PABPN1: variants seen among roughly 807,000 people sequenced by gnomAD.
PABPN1 encodes poly(A) binding protein nuclear 1, also known as polyadenylate-binding protein 2.
In PABPN1, 5 loss-of-function variants were observed where a neutral mutation model predicts 33.4. The ratio of observed to expected loss-of-function variants is 0.15; its 90% CI spans 0.08 to 0.32. The LOEUF (loss-of-function observed/expected upper bound fraction) is 0.32. Ranked by LOEUF, PABPN1 falls within the 10% of genes least tolerant of loss-of-function variation. PABPN1 has a pLI of 1.00. For synonymous variants in PABPN1, 176 were observed against 170.6 expected (o/e 1.03, Z -0.25); for missense variants, 312 against 425.8 (o/e 0.73, Z 2.35).
intron 4 of PABPN1, 92 bp from the exon 5 acceptor site, chr14:23,323,873 C>A: frequency 8.0e-7 from 1 of 1,242,706 alleles, no homozygotes; most frequent in Non-Finnish European, 1.2e-6. Context: ...AATATAACTG[C>A]ATTGTAGCCC....
At position 23,325,261 on chromosome 14, in the gene PABPN1, C is replaced by T. The variant is rs746186777; in HGVS notation, c.896C>T (p.Ala299Val). 6.9e-6 allele frequency: 11 copies of T among 1,605,674 alleles called. No homozygotes were observed. Among genetic ancestry groups the T allele is most frequent in the Non-Finnish European group, 6.8e-6 (8 of 1,179,026 alleles). Residue 299 changes from alanine (A) to valine (V), a missense_variant, in exon 7 of 7, where the codon GCG becomes GTG. This residue lies in a region of PABPN1 where 68 missense variants were observed against 71.1 expected (regional missense o/e 0.96). Transcript: ENST00000216727. ...CTTTCTTCCAGGGGCCGGGCTAGAGCGACATCATGGTATTCCCCTTACTAA... is the reference window on the plus strand; with the variant it reads ...CTTTCTTCCAGGGGCCGGGCTAGAGTGACATCATGGTATTCCCCTTACTAA... ...RGRVYRGRAR[A>V]TSWYSPY
intron 1 of PABPN1, 31 bp downstream of exon 1, chr14:23,321,851 G>A: frequency 7.0e-7 from 1 of 1,435,282 alleles, no homozygotes; most frequent in South Asian, 1.5e-5. Flanking sequence ...GAGCAGGCCG[G>A]CGGCTGGCCG....
Position 23,324,522 on chromosome 14 carries a change from A to T in PABPN1, c.881+233A>T. The T allele has an allele frequency of 1.3e-5, 8 of 609,608 alleles. No homozygotes were observed. The South Asian group carries it at 1.6e-4, about 12-fold the overall frequency. 37.8% of individuals were successfully genotyped at this position (609,608 alleles called of 1,614,324 possible). A position where few individuals can be genotyped will look rare whatever the true frequency, so the allele number is the denominator to read the frequency against. On this transcript the variant is annotated intron_variant, in intron 6 of 6. Coordinates refer to ENST00000216727, the MANE Select transcript of PABPN1 (RefSeq NM_004643.4). ...AAGGGCTGCATCCCTCCCTTGGTTC[A>T]AAGAGGCTTCCACCCCCAGCCTTTT... is the stretch of plus-strand genomic sequence containing the variant.
rs193922941 is a variant in PABPN1 at position 23,321,471 on chromosome 14, T to TGGCGGC, written c.18_23dup (p.Ala10_Ala11dup). The TGGCGGC allele has an allele frequency of 3.2e-5, 37 of 1,155,620 alleles. No individual in the cohort carries two copies. The highest frequency in any genetic ancestry group is 4.2e-5 in the South Asian group (1 of 23,736). 71.6% of individuals were successfully genotyped at this position (1,155,620 alleles called of 1,614,324 possible). A position where few individuals can be genotyped will look rare whatever the true frequency, so the allele number is the denominator to read the frequency against. On this transcript the variant is annotated inframe_insertion, in exon 1 of 7. Coordinates refer to ENST00000216727, the MANE Select transcript of PABPN1 (RefSeq NM_004643.4). ...CGGCGGGCCCCAGTCTGAGCGGCGA[T>TGGCGGC]GGCGGCGGCGGCGGCGGCGGCAGCA...
chr14:23,321,772 G>C lies in PABPN1; in HGVS notation c.303G>C (p.Glu101Asp), dbSNP rs762104467. The part of the protein sequence containing the change: ...GAPGSQEEEE[E>D]PGLVEGDPGD... ...CCGGCAGCCAAGAGGAGGAGGAGGA[G>C]CCGGGACTGGTCGAGGGTGACCCGG... The change falls in exon 1 of 7, where the codon GAG (glutamate) becomes GAC (aspartate). Residue 101 changes from glutamate to aspartate, a missense_variant. Around this residue, in one of 3 missense-constraint regions of PABPN1, gnomAD observed 167 missense variants for 168.9 expected, o/e 0.99. Coordinates refer to ENST00000216727, the MANE Select transcript of PABPN1 (RefSeq NM_004643.4). 3.9e-6 allele frequency: 6 copies of C among 1,533,014 alleles called. No individual in the cohort carries two copies. In the African/African-American group the frequency reaches 7.0e-5, roughly 18 times the overall value. The allele number at this position is 1,533,014 out of a possible 1,614,324, so 95.0% of individuals were successfully genotyped here.
rs915043434 is a variant in PABPN1 at position 23,325,673 on chromosome 14, T to C, written c.*387T>C. 1 of 196,892 alleles carries C rather than the reference T, an allele frequency of 5.1e-6. No individual in the cohort carries two copies. The highest frequency in any genetic ancestry group is 2.4e-5 in the African/African-American group (1 of 42,404). 12.2% of individuals were successfully genotyped at this position (196,892 alleles called of 1,614,324 possible). A position where few individuals can be genotyped will look rare whatever the true frequency, so the allele number is the denominator to read the frequency against. On this transcript the variant is annotated 3_prime_UTR_variant, in exon 7 of 7. Transcript: ENST00000216727. ...CCAGGGCTCTGGAAGGACACCAAAC[T>C]GTTCTGCTTGTTACCTTCCCTCCGT... is the stretch of plus-strand genomic sequence containing the variant.
intron 2 of PABPN1, 91 bp downstream of exon 2, chr14:23,322,386 C>A: frequency 9.0e-7 from 1 of 1,111,154 alleles, no homozygotes; most frequent in Non-Finnish European, 1.3e-6. Context: ...ATACTCGGCA[C>A]CCTGGAGCTG....
chr14:23,323,243 G>A, intron 3 of PABPN1, 134 bp from the exon 4 acceptor site: 3 of 1,300,474 alleles, frequency 2.3e-6, no homozygotes, highest in Non-Finnish European at 3.3e-6. Context: ...GGTTTGGAAG[G>A]AAAAGAGATT....
At chr14:23,324,731 T>C in intron 6 of PABPN1, 1 of 282,984 alleles carries the variant, frequency 3.5e-6, no homozygotes, top group South Asian at 4.6e-5. Context: ...CCAACAGCCT[T>C]GTGGGAGGAT....
chr14:23,321,691 GCCCCGGCCCCGCGCCC>G lies in PABPN1; in HGVS notation c.229_244del (p.Pro77GlufsTer55). The G allele has an allele frequency of 6.5e-7, 1 of 1,529,836 alleles. No individual in the cohort carries two copies. The highest frequency in any genetic ancestry group is 8.8e-7 in the Non-Finnish European group (1 of 1,132,130). The allele number at this position is 1,529,836 out of a possible 1,614,324, so 94.8% of individuals were successfully genotyped here. ...CGGAGCCCGAGCCCGAAGAGGAGCC[GCCCCGGCCCCGCGCCC>G]CCCCGGGAGCTCCGGGCCCTGGGCC... On this transcript the variant is annotated frameshift_variant, in exon 1 of 7. Transcript: ENST00000216727. LOFTEE classifies it high-confidence loss of function.
Position 23,322,084 on chromosome 14 carries a change from C to G in PABPN1, c.352-97C>G. 9 of 1,305,756 alleles carry G rather than the reference C, an allele frequency of 6.9e-6. No individual in the cohort carries two copies. The South Asian group carries it at 8.9e-5, about 13-fold the overall frequency. The allele number at this position is 1,305,756 out of a possible 1,614,324, so 80.9% of individuals were successfully genotyped here. A position where few individuals can be genotyped will look rare whatever the true frequency, so the allele number is the denominator to read the frequency against. ...CCTCGCATGGGGCGAGGGAAATGGC[C>G]GAGCATGGCTGAGGCCGCGCTCTGG... On this transcript the variant is annotated intron_variant, in intron 1 of 6. Coordinates refer to ENST00000216727, the MANE Select transcript of PABPN1 (RefSeq NM_004643.4).
Position 23,325,400 on chromosome 14 carries a change from T to C in PABPN1, c.*114T>C. ...GATGACCTTGATGGAAAAAAAATATTTTTTAAAAAAAAGATATACTGTGGA... is the reference window on the plus strand; with the variant it reads ...GATGACCTTGATGGAAAAAAAATATCTTTTAAAAAAAAGATATACTGTGGA... On this transcript the variant is annotated 3_prime_UTR_variant, in exon 7 of 7. Coordinates refer to ENST00000216727, the MANE Select transcript of PABPN1 (RefSeq NM_004643.4). 7.5e-7 allele frequency: 1 copy of C among 1,340,672 alleles called. No homozygotes were observed. Among genetic ancestry groups the C allele is most frequent in the Non-Finnish European group, 1.0e-6 (1 of 992,128 alleles). 83.0% of individuals were successfully genotyped at this position (1,340,672 alleles called of 1,614,324 possible).
chr14:23,321,709 C>T lies in PABPN1; in HGVS notation c.240C>T (p.Pro80=), dbSNP rs1354568763. The T allele has an allele frequency of 1.1e-5, 17 of 1,541,450 alleles. No homozygotes were observed. Among genetic ancestry groups the T allele is most frequent in the South Asian group, 2.4e-5 (2 of 83,486 alleles). The change falls in exon 1 of 7, where the codon CCC becomes CCT. Residue 80 remains proline (P), a synonymous_variant. Coordinates refer to ENST00000216727, the MANE Select transcript of PABPN1 (RefSeq NM_004643.4). The stretch of plus-strand genomic sequence containing the variant: ...AGGAGCCGCCCCGGCCCCGCGCCCC[C>T]CCGGGAGCTCCGGGCCCTGGGCCTG... The part of the protein sequence containing the change: ...PEEEPPRPRA[P]PGAPGPGPGS...
chr14:23,322,071 C>T, intron 1 of PABPN1, 110 bp from the exon 2 acceptor site: 2 of 1,166,036 alleles, frequency 1.7e-6, no homozygotes, highest in Admixed American at 2.0e-5. Context: ...TCGCATGGGG[C>T]GAGGGAAATG....
At chr14:23,325,140 T>C in intron 6 of PABPN1, 107 bp from the exon 7 acceptor site, 1 of 1,509,718 alleles carries the variant, frequency 6.6e-7, no homozygotes, top group Non-Finnish European at 9.2e-7. Flanking sequence ...GAACACTTCT[T>C]TTCCCCCCTT....
rs1479996292 is a variant in PABPN1 at position 23,324,704 on chromosome 14, T to C, written c.881+415T>C. 2.9e-5 allele frequency: 9 copies of C among 307,296 alleles called. No homozygotes were observed. In the East Asian group the frequency reaches 6.8e-4, roughly 23 times the overall value. The allele number at this position is 307,296 out of a possible 1,614,324, so 19.0% of individuals were successfully genotyped here. A position where few individuals can be genotyped will look rare whatever the true frequency, so the allele number is the denominator to read the frequency against. On this transcript the variant is annotated intron_variant, in intron 6 of 6. Transcript: ENST00000216727. ...CCTCCCTTGGAAGAATACCAGAGGCTAGCTAGTTGATCCTCCCCAACAGCC... is the reference window on the plus strand; with the variant it reads ...CCTCCCTTGGAAGAATACCAGAGGCCAGCTAGTTGATCCTCCCCAACAGCC...
chr14:23,324,974 T>C, intron 6 of PABPN1: 1 of 436,604 alleles, frequency 2.3e-6, no homozygotes, highest in South Asian at 4.0e-5. Flanking sequence ...GAAAACTGGA[T>C]AAAAAGGGGG....
rs1376751675 is a variant in PABPN1, at chr14:23,325,273, A to G, written c.908A>G (p.Tyr303Cys). ...YRGRARATSW[Y>C]SPY ...GGCCGGGCTAGAGCGACATCATGGT[A>G]TTCCCCTTACTAAAAAAAGTGTGTA... Residue 303 changes from tyrosine (Y) to cysteine (C), a missense_variant, in exon 7 of 7, where the codon TAT becomes TGT. Physicochemically the swap from Tyr to Cys is radical, Grantham distance 194 (BLOSUM62 -2). Coordinates refer to ENST00000216727, the MANE Select transcript of PABPN1 (RefSeq NM_004643.4). 1 of 1,611,662 alleles carries G rather than the reference A, an allele frequency of 6.2e-7. No homozygotes were observed. The highest frequency in any genetic ancestry group is 1.3e-5 in the African/African-American group (1 of 74,254).
chr14:23,325,546 C>G lies in PABPN1; in HGVS notation c.*260C>G. 1 of 493,106 alleles carries G rather than the reference C, an allele frequency of 2.0e-6. No homozygotes were observed. Among genetic ancestry groups the G allele is most frequent in the East Asian group, 3.5e-5 (1 of 28,974 alleles). 30.5% of individuals were successfully genotyped at this position (493,106 alleles called of 1,614,324 possible). ...CTGGGGATTCGCCATGGACACGTCT[C>G]AACTGCGCAAGCTGCTGCCCATGTT... is the stretch of plus-strand genomic sequence containing the variant. On this transcript the variant is annotated 3_prime_UTR_variant, in exon 7 of 7. Transcript: ENST00000216727.
Sources: gnomAD v4.1 joint callset for allele counts on GRCh38, gnomAD v4.1.1 for gene constraint, gnomAD v4.1.1 regional missense constraint, MANE v1.5 for transcripts, NCBI Gene and HGNC (gene_info 2026-07-23, HGNC 2026-07-21) for gene names.